PTPRM: variants seen among roughly 807,000 people sequenced by gnomAD.
PTPRM encodes the protein receptor-type tyrosine-protein phosphatase mu.
A neutral mutation model predicts 186.7 loss-of-function variants in PTPRM; 47 were observed. That is an observed-to-expected ratio of 0.25 (90% CI 0.20 to 0.32). The LOEUF (loss-of-function observed/expected upper bound fraction) is 0.32. Ranked by LOEUF, PTPRM falls within the 10% of genes least tolerant of loss-of-function variation. The pLI is 1.00. For synonymous variants in PTPRM, 668 were observed against 674.9 expected, an observed-to-expected ratio of 0.99 and a Z score of 0.16; for missense variants, 1,494 against 1,865.0, an observed-to-expected ratio of 0.80 and a Z score of 3.66.
Position 8,387,049 on chromosome 18 carries a change from G to A in PTPRM, c.4045-23G>A, listed in dbSNP as rs377238937. 1.1e-4 allele frequency: 179 copies of A among 1,569,432 alleles called. No homozygotes were observed. The African/African-American group carries it at 1.5e-3, about 14-fold the overall frequency. ...AATGCCTGTTTTCTTTCCACTCCCC[G>A]ATTGTTGCCTTGTTCTTCGTAGCCC... On this transcript the variant is annotated intron_variant, in intron 30 of 32. Transcript: ENST00000580170.
At chr18:8,043,597 G>A (rs1418613404) in intron 7 of PTPRM, among the ~76,000 whole-genome samples, 7 of 151,686 alleles carry the variant, frequency 4.6e-5, no homozygotes, top group Non-Finnish European at 1.0e-4. Context: ...TGTTCTCCAT[G>A]TTGGGAGGAA....
At chr18:8,264,466 G>A (rs1401541894) in intron 19 of PTPRM, among the ~76,000 whole-genome samples, 1 of 151,794 alleles carries the variant, frequency 6.6e-6, no homozygotes, top group Non-Finnish European at 1.5e-5. Flanking sequence ...CTACTATATC[G>A]GCACTGTACA....
intron 1 of PTPRM, among the ~76,000 whole-genome samples, chr18:7,603,942 A>G (rs77511205): frequency 0.044 from 6,749 of 152,116 alleles, 193 homozygotes; most frequent in South Asian, 0.12. Flanking sequence ...TGTCTGCCTA[A>G]CCCCATCCTT....
chr18:8,150,012 A>G (rs866888857), intron 14 of PTPRM, among the ~76,000 whole-genome samples: 1 of 152,094 alleles, frequency 6.6e-6, no homozygotes, highest in South Asian at 2.1e-4. Flanking sequence ...CTGCAGAGAT[A>G]TTTACTGTTA....
intron 13 of PTPRM, among the ~76,000 whole-genome samples, chr18:8,137,604 A>G (rs1352076531): frequency 6.6e-6 from 1 of 152,252 alleles, no homozygotes; most frequent in East Asian, 1.9e-4. Flanking sequence ...CTTATTTACT[A>G]AATTTAATCT....
intron 2 of PTPRM, among the ~76,000 whole-genome samples, chr18:7,785,882 G>A (rs1180854343): frequency 6.6e-6 from 1 of 152,166 alleles, no homozygotes; most frequent in East Asian, 1.9e-4. Context: ...GCCTCAGTGG[G>A]TGTCTCAAAT....
intron 4 of PTPRM, among the ~76,000 whole-genome samples, chr18:7,915,990 A>G (rs1356693827): frequency 6.6e-6 from 1 of 152,222 alleles, no homozygotes; most frequent in Non-Finnish European, 1.5e-5. Context: ...GTTAAGTGAA[A>G]TAACTTAGAA....
intron 7 of PTPRM, among the ~76,000 whole-genome samples, chr18:8,020,145 C>T (rs955221006): frequency 6.6e-6 from 1 of 152,092 alleles, no homozygotes; most frequent in African/African-American, 2.4e-5. Flanking sequence ...TTAGTTGTGA[C>T]AAAAAGTATC....
intron 2 of PTPRM, among the ~76,000 whole-genome samples, chr18:7,860,270 A>G (rs1373749348): frequency 6.6e-6 from 1 of 152,014 alleles, no homozygotes; most frequent in East Asian, 1.9e-4. Flanking sequence ...ACGGGGTTTC[A>G]CCATGTTGGC....
chr18:7,694,416 C>T (rs2039797895), intron 1 of PTPRM, among the ~76,000 whole-genome samples: 1 of 143,094 alleles, frequency 7.0e-6, no homozygotes, highest in Non-Finnish European at 1.5e-5. Flanking sequence ...AGGAAACTCC[C>T]TTCTTCCTTC....
intron 6 of PTPRM, among the ~76,000 whole-genome samples, chr18:7,950,903 T>A (rs1411252147): frequency 6.6e-6 from 1 of 152,172 alleles, no homozygotes; most frequent in Non-Finnish European, 1.5e-5. Context: ...CTCCAATGAG[T>A]CAGCCATATG....
chr18:7,644,019 C>T (rs1199174075), intron 1 of PTPRM, among the ~76,000 whole-genome samples: 1 of 152,102 alleles, frequency 6.6e-6, no homozygotes, highest in East Asian at 1.9e-4. Context: ...AATGTTTTCT[C>T]TTTTCAAATG....
chr18:8,378,553 C>T, intron 27 of PTPRM, 139 bp downstream of exon 27: 1 of 1,050,900 alleles, frequency 9.5e-7, no homozygotes, highest in East Asian at 2.6e-5. Flanking sequence ...GCTGGGTAAC[C>T]CAGAGCTCTA....
intron 7 of PTPRM, among the ~76,000 whole-genome samples, chr18:8,008,632 T>C (rs1347158357): frequency 6.6e-6 from 1 of 152,060 alleles, no homozygotes; most frequent in Non-Finnish European, 1.5e-5. Flanking sequence ...TTGTTCTCTT[T>C]GACTTCCTGT....
At chr18:7,765,926 G>T (rs1210211513) in intron 1 of PTPRM, among the ~76,000 whole-genome samples, 1 of 152,182 alleles carries the variant, frequency 6.6e-6, no homozygotes, top group African/African-American at 2.4e-5. Flanking sequence ...AAGAATGTTT[G>T]CTAGTGTATG....
At chr18:8,394,160 T>G (rs936638182) in intron 31 of PTPRM, among the ~76,000 whole-genome samples, 3 of 152,302 alleles carry the variant, frequency 2.0e-5, no homozygotes, top group African/African-American at 7.2e-5. Context: ...GCAATTTTCC[T>G]GGCAGAACCT....
chr18:7,683,127 C>T (rs1320506184), intron 1 of PTPRM, among the ~76,000 whole-genome samples: 1 of 151,146 alleles, frequency 6.6e-6, no homozygotes, highest in Non-Finnish European at 1.5e-5. Flanking sequence ...TTAATGACGA[C>T]TGCCCATGAA....
At chr18:8,192,538 A>T (rs1310860756) in intron 14 of PTPRM, among the ~76,000 whole-genome samples, 1 of 152,210 alleles carries the variant, frequency 6.6e-6, no homozygotes, top group Non-Finnish European at 1.5e-5. Flanking sequence ...CCCAAAGAAT[A>T]TTGACAGGAA....
intron 11 of PTPRM, among the ~76,000 whole-genome samples, chr18:8,102,396 A>T (rs989173502): frequency 3.3e-5 from 5 of 152,238 alleles, no homozygotes; most frequent in Admixed American, 2.6e-4. Flanking sequence ...ATTGGAGTCA[A>T]TCCTCTCAAA....
Sources: gnomAD v4.1 joint callset for allele counts (sites outside exome capture counted in the v4.1 genomes callset) on GRCh38, gnomAD v4.1.1 for gene constraint, MANE v1.5 for transcripts, NCBI Gene and HGNC (gene_info 2026-07-23, HGNC 2026-07-21) for gene names.